Variants in TMEM132B observed in about 807,000 individuals in gnomAD.
TMEM132B encodes the protein transmembrane protein 132B.
Under a neutral mutation model 90.8 loss-of-function variants are expected in TMEM132B, and 18 were observed. The ratio of observed to expected loss-of-function variants is 0.20; its 90% CI spans 0.14 to 0.29. The LOEUF (loss-of-function observed/expected upper bound fraction) is 0.29. Among genes scored for constraint, TMEM132B ranks in the 10% least tolerant of loss-of-function variants. TMEM132B has a pLI of 1.00. For synonymous variants in TMEM132B, 504 were observed against 523.3 expected, an observed-to-expected ratio of 0.96 and a Z score of 0.50; for missense variants, 1,096 against 1,326.8, an observed-to-expected ratio of 0.83 and a Z score of 2.70.
chr12:125,578,474 C>T (rs1884982792), intron 4 of TMEM132B, among the ~76,000 whole-genome samples: 1 of 152,074 alleles, frequency 6.6e-6, no homozygotes, highest in African/African-American at 2.4e-5. Context: ...AATGTAATGT[C>T]CCAAACAAAA....
Position 125,403,436 on chromosome 12 carries a change from C to T in TMEM132B, c.960-12095C>T, listed in dbSNP as rs538040708. Among the ~76,000 whole-genome samples the T allele has an allele frequency of 6.6e-5, 10 of 152,306 alleles. 1 individual carries two copies. In the South Asian group the frequency reaches 1.2e-3, roughly 19 times the overall value. On this transcript the variant is annotated intron_variant, in intron 2 of 8. Coordinates refer to ENST00000682704, the MANE Select transcript of TMEM132B (RefSeq NM_001366854.1). ...TTTTCTATGCTCAGAGCCCAAATTC[C>T]GCAAACTCATTACAGTGGTGAGACC...
In TMEM132B at chr12:125,490,680, A is replaced by G. The variant is rs1882326449; in HGVS notation, c.1107-28759A>G. Among the ~76,000 whole-genome samples, 1 of 151,944 alleles carries G rather than the reference A, an allele frequency of 6.6e-6. No individual in the cohort carries two copies. The highest frequency in any genetic ancestry group is 6.6e-5 in the Admixed American group (1 of 15,256). On this transcript the variant is annotated intron_variant, in intron 3 of 8. Transcript: ENST00000682704. The surrounding 1 kb of genome is among the most constrained non-coding windows in gnomAD (Gnocchi z 4.2). ...ATGGGGTTTCACTGTGTTAGCTAGG[A>G]TGGTCTCGATCTCCTGACCTCGTGA...
intron 1 of TMEM132B, among the ~76,000 whole-genome samples, chr12:125,259,496 TC>T (rs1460264944): frequency 6.6e-6 from 1 of 152,216 alleles, no homozygotes; most frequent in Non-Finnish European, 1.5e-5. Context: ...TTGAAATTTG[TC>T]ACCGGGTTGA....
chr12:125,367,217 T>A (rs534380926), intron 2 of TMEM132B, among the ~76,000 whole-genome samples: 1 of 152,302 alleles, frequency 6.6e-6, no homozygotes, highest in South Asian at 2.1e-4. Context: ...TTTAAAAATC[T>A]TCATATTTTG....
At chr12:125,523,864 C>G (rs189232901) in intron 4 of TMEM132B, among the ~76,000 whole-genome samples, 22 of 152,360 alleles carry the variant, frequency 1.4e-4, no homozygotes, top group African/African-American at 5.1e-4. Flanking sequence ...ATCGGGGATG[C>G]ACTTTCATTG....
At chr12:125,550,789 T>G (rs1884208773) in intron 4 of TMEM132B, among the ~76,000 whole-genome samples, 1 of 152,178 alleles carries the variant, frequency 6.6e-6, no homozygotes, top group Admixed American at 6.5e-5. Context: ...TATTTATTTA[T>G]TTTTTTGAGA....
At chr12:125,612,884 T>C (rs1357870402) in intron 5 of TMEM132B, among the ~76,000 whole-genome samples, 1 of 128,894 alleles carries the variant, frequency 7.8e-6, no homozygotes, top group African/African-American at 3.1e-5. Flanking sequence ...ATGATATATA[T>C]TTATATATTG....
At chr12:125,588,781 T>C (rs957851905) in intron 5 of TMEM132B, among the ~76,000 whole-genome samples, 5 of 152,198 alleles carry the variant, frequency 3.3e-5, no homozygotes, top group African/African-American at 1.2e-4. Context: ...TTTGGGCGCA[T>C]TTGAAGATAA....
intron 3 of TMEM132B, among the ~76,000 whole-genome samples, chr12:125,486,330 A>G (rs1882202246): frequency 6.6e-6 from 1 of 152,196 alleles, no homozygotes; most frequent in Non-Finnish European, 1.5e-5. Context: ...GCCTTATTAC[A>G]TGGTGTTATA....
chr12:125,322,359 T>G (rs1876452343), intron 1 of TMEM132B, among the ~76,000 whole-genome samples: 1 of 152,254 alleles, frequency 6.6e-6, no homozygotes, highest in Non-Finnish European at 1.5e-5. Flanking sequence ...GTGAGTCCAT[T>G]AAACCTCTTT....
intron 4 of TMEM132B, among the ~76,000 whole-genome samples, chr12:125,554,246 A>T (rs1884311566): frequency 6.6e-6 from 1 of 150,946 alleles, no homozygotes; most frequent in Non-Finnish European, 1.5e-5. Flanking sequence ...ACATGGTGAA[A>T]CCCTGTCTCT....
chr12:125,514,635 G>A (rs548807654), intron 3 of TMEM132B, among the ~76,000 whole-genome samples: 2 of 152,134 alleles, frequency 1.3e-5, no homozygotes, highest in East Asian at 1.9e-4. Context: ...CCATCCAGAC[G>A]TTTGCAAAAA....
At chr12:125,468,807 C>G (rs1344093416) in intron 3 of TMEM132B, among the ~76,000 whole-genome samples, 1 of 152,212 alleles carries the variant, frequency 6.6e-6, no homozygotes, top group Non-Finnish European at 1.5e-5. Context: ...ATACAATCCT[C>G]TAACCGTCTT....
At chr12:125,229,943 CTTA>C (rs1017261790) in intron 1 of TMEM132B, among the ~76,000 whole-genome samples, 1 of 152,220 alleles carries the variant, frequency 6.6e-6, no homozygotes, top group Non-Finnish European at 1.5e-5. Flanking sequence ...TCCAGAACCA[CTTA>C]TTATTGTGCT....
chr12:125,384,798 G>A (rs957826676), intron 2 of TMEM132B, among the ~76,000 whole-genome samples: 2 of 152,104 alleles, frequency 1.3e-5, no homozygotes, highest in African/African-American at 2.4e-5. Context: ...TTACAGGAGC[G>A]TGCTACCATG....
chr12:125,404,293 C>G (rs1211636348), intron 2 of TMEM132B, among the ~76,000 whole-genome samples: 1 of 152,130 alleles, frequency 6.6e-6, no homozygotes, highest in African/African-American at 2.4e-5. Context: ...TAGAGCACCC[C>G]TTATGAAATA....
Position 125,213,970 on chromosome 12 carries a change from A to C in TMEM132B, c.67+27104A>C, listed in dbSNP as rs1035532810. Among the ~76,000 whole-genome samples, 1 of 152,230 alleles carries C rather than the reference A, an allele frequency of 6.6e-6. No individual in the cohort carries two copies. Among genetic ancestry groups the C allele is most frequent in the Non-Finnish European group, 1.5e-5 (1 of 68,044 alleles). Reference sequence around the variant, plus strand: ...TGATGCTTTTTGTGTGCCAGGGCACATAAGTTTGGGGGATAGAGAGAACAA... The same window carrying C: ...TGATGCTTTTTGTGTGCCAGGGCACCTAAGTTTGGGGGATAGAGAGAACAA... On this transcript the variant is annotated intron_variant, in intron 1 of 8. Coordinates refer to ENST00000682704, the MANE Select transcript of TMEM132B (RefSeq NM_001366854.1). This position sits in a 1 kb window ranked among gnomAD's most constrained non-coding sequence, Gnocchi z 4.2.
At chr12:125,345,536 T>G (rs1454360034) in intron 1 of TMEM132B, among the ~76,000 whole-genome samples, 1 of 152,174 alleles carries the variant, frequency 6.6e-6, no homozygotes, top group Non-Finnish European at 1.5e-5. Flanking sequence ...AGTTGCTTCA[T>G]TCTAGGAGTA....
intron 6 of TMEM132B, among the ~76,000 whole-genome samples, chr12:125,648,811 G>T (rs538041317): frequency 2.6e-5 from 4 of 152,056 alleles, no homozygotes; most frequent in Non-Finnish European, 5.9e-5. Flanking sequence ...TGGTCAACTA[G>T]TGTCATTTAT....
Sources: allele counts gnomAD v4.1 joint callset (sites outside exome capture counted in the v4.1 genomes callset), GRCh38; gene constraint gnomAD v4.1.1; non-coding constraint Gnocchi (gnomAD v3.1); transcripts MANE v1.5; gene names NCBI Gene and HGNC (gene_info 2026-07-23, HGNC 2026-07-21).